Variants in TEAD1 observed in about 807,000 individuals in gnomAD.
TEAD1 encodes the protein transcriptional enhancer factor TEF-1.
Under a neutral mutation model 54.9 loss-of-function variants are expected in TEAD1, and 9 were observed. The ratio of observed to expected loss-of-function variants is 0.16; its 90% CI spans 0.10 to 0.29. The LOEUF (loss-of-function observed/expected upper bound fraction) is 0.29. Among genes scored for constraint, TEAD1 ranks in the 10% least tolerant of loss-of-function variants. The probability of loss-of-function intolerance (pLI) is 1.00; values close to 1 mark genes in which losing one functional copy is unlikely to be tolerated. For synonymous variants in TEAD1, 200 were observed against 187.8 expected, an observed-to-expected ratio of 1.07 and a Z score of -0.53; for missense variants, 387 against 535.9, an observed-to-expected ratio of 0.72 and a Z score of 2.74.
chr11:12,721,870 G>A (rs1307076580), intron 2 of TEAD1, among the ~76,000 whole-genome samples: 3 of 152,206 alleles, frequency 2.0e-5, no homozygotes, highest in Admixed American at 6.5e-5. Context: ...GACAGTGGAC[G>A]TATGAGTTTG....
intron 3 of TEAD1, among the ~76,000 whole-genome samples, chr11:12,833,742 A>G (rs2134021057): frequency 6.6e-6 from 1 of 152,258 alleles, no homozygotes; most frequent in African/African-American, 2.4e-5. Flanking sequence ...CAGAATTAAT[A>G]TTTCCAAGTT....
rs370436127 is a variant in TEAD1 at position 12,930,228 on chromosome 11, C to A, written c.1069C>A (p.Pro357Thr). 6.2e-7 allele frequency: 1 copy of A among 1,614,190 alleles called. No individual in the cohort carries two copies. The highest frequency in any genetic ancestry group is 8.5e-7 in the Non-Finnish European group (1 of 1,180,036). ...ATTTGTATACCGAATAAACCGCTCC[C>A]CAATGTGTGAATATATGATCAACTT... Residue 357 changes from proline (P) to threonine (T), a missense_variant, in exon 12 of 13, where the codon CCA becomes ACA. Physicochemically the swap from Pro to Thr is conservative, Grantham distance 38. Transcript: ENST00000527636.
intron 3 of TEAD1, among the ~76,000 whole-genome samples, chr11:12,821,047 G>C (rs1006063675): frequency 6.6e-5 from 10 of 152,158 alleles, no homozygotes; most frequent in Admixed American, 2.0e-4. Context: ...TCACCAGCCT[G>C]TCTGCCCTGA....
At chr11:12,865,389 G>A (rs1321228902) in intron 5 of TEAD1, 1 of 162,586 alleles carries the variant, frequency 6.2e-6, no homozygotes, top group African/African-American at 2.4e-5. Context: ...GTATTTTTAA[G>A]AAGACTTATA....
At chr11:12,720,456 A>G (rs1944170120) in intron 2 of TEAD1, among the ~76,000 whole-genome samples, 1 of 152,204 alleles carries the variant, frequency 6.6e-6, no homozygotes, top group African/African-American at 2.4e-5. Flanking sequence ...CATTTACTGC[A>G]ACTTTACTGT....
chr11:12,746,054 G>A (rs1217399380), intron 2 of TEAD1, among the ~76,000 whole-genome samples: 1 of 152,222 alleles, frequency 6.6e-6, no homozygotes, highest in Non-Finnish European at 1.5e-5. Flanking sequence ...TGTGTGTGGA[G>A]TAAACCAGGA....
intron 3 of TEAD1, among the ~76,000 whole-genome samples, chr11:12,822,208 C>T (rs1299441259): frequency 6.6e-6 from 1 of 152,054 alleles, no homozygotes; most frequent in Non-Finnish European, 1.5e-5. Flanking sequence ...ATTATCCGCC[C>T]GCCTCGGCCT....
At chr11:12,705,937 A>G (rs1943805229) in intron 2 of TEAD1, among the ~76,000 whole-genome samples, 1 of 152,172 alleles carries the variant, frequency 6.6e-6, no homozygotes, top group Admixed American at 6.5e-5. Context: ...AACCTTTCAA[A>G]TATAGTGTGA....
At chr11:12,839,279 T>C (rs1946974588) in intron 3 of TEAD1, among the ~76,000 whole-genome samples, 1 of 152,012 alleles carries the variant, frequency 6.6e-6, no homozygotes, top group South Asian at 2.1e-4. Context: ...GGTGTGGTAA[T>C]GCACGCCTGT....
intron 3 of TEAD1, among the ~76,000 whole-genome samples, chr11:12,801,762 G>T (rs187814799): frequency 3.9e-5 from 6 of 152,320 alleles, no homozygotes; most frequent in Non-Finnish European, 7.3e-5. Flanking sequence ...TTGTATGGTT[G>T]TATTTCATTC....
intron 3 of TEAD1, among the ~76,000 whole-genome samples, chr11:12,795,655 G>T (rs1053096609): frequency 4.6e-5 from 7 of 152,134 alleles, no homozygotes; most frequent in Non-Finnish European, 1.5e-5. Flanking sequence ...TGTGGTCCAT[G>T]GACCAACTGG....
intron 10 of TEAD1, among the ~76,000 whole-genome samples, chr11:12,909,642 T>C (rs1295344186): frequency 6.6e-6 from 1 of 152,008 alleles, no homozygotes; most frequent in Non-Finnish European, 1.5e-5. Context: ...TCCCAGAAAT[T>C]GAAGCAAAAT....
chr11:12,732,131 T>G (rs34337585), intron 2 of TEAD1, among the ~76,000 whole-genome samples: 12,400 of 152,146 alleles, frequency 0.082, 714 homozygotes, highest in Non-Finnish European at 0.13. Context: ...CCTTATTAAA[T>G]TTCGACCTTA....
At chr11:12,760,354 T>G (rs1012512570) in intron 2 of TEAD1, among the ~76,000 whole-genome samples, 3 of 152,226 alleles carry the variant, frequency 2.0e-5, no homozygotes, top group African/African-American at 7.2e-5. Context: ...AATGAAAACC[T>G]GAGCTTCTGA....
intron 4 of TEAD1, 186 bp from the exon 5 acceptor site, chr11:12,864,652 G>T: frequency 4.4e-5 from 61 of 1,385,688 alleles, no homozygotes; most frequent in South Asian, 5.9e-5. Context: ...GTTTTGTTTT[G>T]TTTTGTTTCC....
intron 2 of TEAD1, among the ~76,000 whole-genome samples, chr11:12,708,286 C>T (rs1336592942): frequency 1.3e-5 from 2 of 151,590 alleles, no homozygotes; most frequent in Non-Finnish European, 2.9e-5. Flanking sequence ...GAGGTCTGTG[C>T]AATTGTGTAT....
At chr11:12,689,421 T>C (rs1196821754) in intron 2 of TEAD1, among the ~76,000 whole-genome samples, 1 of 152,242 alleles carries the variant, frequency 6.6e-6, no homozygotes, top group Non-Finnish European at 1.5e-5. Flanking sequence ...TTGGGCAACC[T>C]CTTTATCCTT....
chr11:12,802,301 C>T (rs1011647894), intron 3 of TEAD1, among the ~76,000 whole-genome samples: 6 of 152,018 alleles, frequency 3.9e-5, no homozygotes, highest in Non-Finnish European at 5.9e-5. Flanking sequence ...TTTGAGTGAC[C>T]ACAATGTGTG....
intron 10 of TEAD1, among the ~76,000 whole-genome samples, chr11:12,914,694 C>T (rs1439660922): frequency 6.8e-6 from 1 of 146,902 alleles, no homozygotes; most frequent in African/African-American, 2.4e-5. Flanking sequence ...CAGACCTCCC[C>T]CTTCTCTCTG....
Sources: allele counts gnomAD v4.1 joint callset (sites outside exome capture counted in the v4.1 genomes callset), GRCh38; gene constraint gnomAD v4.1.1; transcripts MANE v1.5; gene names NCBI Gene and HGNC (gene_info 2026-07-23, HGNC 2026-07-21).